The following MAGI1 variants were observed in gnomAD, a reference collection of about 807,000 sequenced individuals.
MAGI1 encodes membrane-associated guanylate kinase, WW and PDZ domain-containing protein 1.
A neutral mutation model predicts 139.9 loss-of-function variants in MAGI1; 58 were observed. The ratio of observed to expected loss-of-function variants is 0.41; its 90% confidence interval spans 0.34 to 0.52. The LOEUF (loss-of-function observed/expected upper bound fraction) is 0.52. Ranked by LOEUF, MAGI1 falls within the 20% of genes least tolerant of loss-of-function variation. The pLI, the probability that MAGI1 is intolerant of heterozygous loss-of-function variation, is 0.12. For synonymous variants in MAGI1, 812 were observed against 737.9 expected, an observed-to-expected ratio of 1.10 and a Z score of -1.63; for missense variants, 1,874 against 1,901.6, an observed-to-expected ratio of 0.99 and a Z score of 0.27.
At position 65,392,586 on chromosome 3, in the gene MAGI1, G is replaced by A. The variant is rs778693614; in HGVS notation, c.2200-1228C>T. 5.3e-5 allele frequency among the ~76,000 whole-genome samples: 8 copies of A among 152,138 alleles called. No individual in the cohort carries two copies. The South Asian group carries it at 6.2e-4, about 12-fold the overall frequency. ...GCCCAAATCTTCCACCAGGTGTTCC[G>A]ATCAATCCTATCAAGGCCATTCTTC... On this transcript the variant is annotated intron_variant, in intron 13 of 22. Coordinates refer to ENST00000402939, the MANE Select transcript of MAGI1 (RefSeq NM_001033057.2).
intron 12 of MAGI1, among the ~76,000 whole-genome samples, chr3:65,414,931 A>G (rs1946077360): frequency 6.8e-6 from 1 of 147,756 alleles, no homozygotes; most frequent in Admixed American, 6.8e-5. Flanking sequence ...CGGGAGGCTG[A>G]GGCAAGATAA....
intron 1 of MAGI1, among the ~76,000 whole-genome samples, chr3:65,858,946 CAAACTT>C (rs2059454407): frequency 6.6e-6 from 1 of 152,122 alleles, no homozygotes; most frequent in Non-Finnish European, 1.5e-5. Flanking sequence ...TTGGAGCTGT[CAAACTT>C]AAAGAGCAAG....
chr3:65,487,345 T>C (rs1418469354), intron 3 of MAGI1, among the ~76,000 whole-genome samples: 1 of 152,200 alleles, frequency 6.6e-6, no homozygotes, highest in Non-Finnish European at 1.5e-5. Context: ...ACCACAACCA[T>C]ATCTGCTTTT....
intron 1 of MAGI1, among the ~76,000 whole-genome samples, chr3:66,024,075 A>G (rs1033391546): frequency 2.0e-5 from 3 of 151,982 alleles, no homozygotes; most frequent in Non-Finnish European, 4.4e-5. Context: ...ACATTTCCTG[A>G]CCCTTTTTGT....
At chr3:65,571,736 G>A in intron 2 of MAGI1, among the ~76,000 whole-genome samples, 1 of 151,900 alleles carries the variant, frequency 6.6e-6, no homozygotes, top group Admixed American at 6.6e-5. Flanking sequence ...CATAGGTGTA[G>A]TTGATGAATA....
At chr3:65,799,014 G>A (rs375862974) in intron 1 of MAGI1, among the ~76,000 whole-genome samples, 7 of 152,048 alleles carry the variant, frequency 4.6e-5, no homozygotes, top group Non-Finnish European at 7.3e-5. Flanking sequence ...ATGATGACCC[G>A]AGAGTGCAAG....
intron 3 of MAGI1, among the ~76,000 whole-genome samples, chr3:65,486,792 C>T (rs1391208476): frequency 6.6e-6 from 1 of 152,168 alleles, no homozygotes; most frequent in East Asian, 1.9e-4. Flanking sequence ...ATGCTACTCT[C>T]AGCATTACAG....
At chr3:65,589,336 G>T (rs2140756) in intron 2 of MAGI1, among the ~76,000 whole-genome samples, 8,065 of 152,160 alleles carry the variant, frequency 0.053, 426 homozygotes, top group African/African-American at 0.13. Flanking sequence ...CCCACACTCT[G>T]CTGGACAGCC....
intron 1 of MAGI1, among the ~76,000 whole-genome samples, chr3:65,756,664 C>G (rs996008013): frequency 3.3e-5 from 5 of 152,126 alleles, no homozygotes; most frequent in Admixed American, 3.3e-4. Flanking sequence ...CATTATGGTG[C>G]CACAGTCTCT....
Position 65,356,777 on chromosome 3 carries a change from G to C in MAGI1, c.3990C>G (p.Thr1330=), listed in dbSNP as rs201975771. The C allele has an allele frequency of 1.2e-6, 2 of 1,607,848 alleles. No homozygotes were observed. Reference sequence around the variant, plus strand: ...TCTCCAAAGTGTTGTCGGCGCTGCGGGTGCCCTCCCTCCGCTTCTCTGGGG... The same window carrying C: ...TCTCCAAAGTGTTGTCGGCGCTGCGCGTGCCCTCCCTCCGCTTCTCTGGGG... ...RRSPEKRREG[T]RSADNTLERR... is the part of the protein sequence containing the mutation. Residue 1330 remains threonine, a synonymous_variant, in exon 23 of 23, where the codon ACC becomes ACG. Coordinates refer to ENST00000402939, the MANE Select transcript of MAGI1 (RefSeq NM_001033057.2).
chr3:66,004,331 G>A (rs544741830), intron 1 of MAGI1, among the ~76,000 whole-genome samples: 17 of 152,270 alleles, frequency 1.1e-4, no homozygotes, highest in African/African-American at 3.6e-4. Context: ...TGGAATATCC[G>A]GAGGCATCTT....
chr3:65,400,223 G>A (rs961196601), intron 13 of MAGI1, among the ~76,000 whole-genome samples: 5 of 152,136 alleles, frequency 3.3e-5, no homozygotes, highest in African/African-American at 1.2e-4. Context: ...ACACTGACAA[G>A]GAAACCAGCC....
chr3:66,035,302 A>G (rs1297225636), intron 1 of MAGI1, among the ~76,000 whole-genome samples: 1 of 152,204 alleles, frequency 6.6e-6, no homozygotes, highest in Non-Finnish European at 1.5e-5. Context: ...ATTTTCTCCC[A>G]CCATGTAGAC....
At chr3:65,689,763 T>G (rs55686419) in intron 1 of MAGI1, among the ~76,000 whole-genome samples, 1,825 of 152,340 alleles carry the variant, frequency 0.012, 37 homozygotes, top group African/African-American at 0.042. Flanking sequence ...CAGCAACTAG[T>G]AATCTAACTA....
intron 1 of MAGI1, among the ~76,000 whole-genome samples, chr3:65,929,153 C>CAAA (rs57578782): frequency 6.7e-6 from 1 of 149,762 alleles, no homozygotes; most frequent in African/African-American, 2.5e-5. Context: ...GACAATGCCG[C>CAAA]AAAAAAAAAG....
At chr3:65,423,968 A>G (rs1295813524) in intron 12 of MAGI1, among the ~76,000 whole-genome samples, 1 of 152,198 alleles carries the variant, frequency 6.6e-6, no homozygotes, top group Non-Finnish European at 1.5e-5. Flanking sequence ...TCCTTCTTGT[A>G]TTTTGTCCTA....
At chr3:65,610,930 T>G (rs2083049371) in intron 2 of MAGI1, among the ~76,000 whole-genome samples, 1 of 138,262 alleles carries the variant, frequency 7.2e-6, no homozygotes, top group African/African-American at 2.7e-5. Flanking sequence ...ATATAGTAGA[T>G]AGTATATATA....
At chr3:65,739,970 T>C (rs1470545751) in intron 1 of MAGI1, among the ~76,000 whole-genome samples, 1 of 142,272 alleles carries the variant, frequency 7.0e-6, no homozygotes, top group Non-Finnish European at 1.5e-5. Flanking sequence ...ACTTGGGCAA[T>C]GCAAAGTTGC....
chr3:65,492,939 A>G lies in MAGI1; in HGVS notation c.550+573T>C, dbSNP rs12486867. 7.4e-3 allele frequency among the ~76,000 whole-genome samples: 1,127 copies of G among 152,138 alleles called. 8 individuals are homozygous for G. Among genetic ancestry groups the G allele is most frequent in the Non-Finnish European group, 0.012 (831 of 67,994 alleles). On this transcript the variant is annotated intron_variant, in intron 3 of 22. Coordinates refer to ENST00000402939, the MANE Select transcript of MAGI1 (RefSeq NM_001033057.2). ...TAAAAATACAAAAAATTAGCCGGGC[A>G]TGGTGGCAGGCGCCTGTAATCCCAG... is the stretch of plus-strand genomic sequence containing the variant.
Sources: allele counts gnomAD v4.1 joint callset (sites outside exome capture counted in the v4.1 genomes callset), GRCh38; gene constraint gnomAD v4.1.1; transcripts MANE v1.5; gene names NCBI Gene and HGNC (gene_info 2026-07-23, HGNC 2026-07-21).